The following TENM3 variants were observed in gnomAD, a reference collection of about 807,000 sequenced individuals.
TENM3 encodes teneurin transmembrane protein 3.
Under a neutral mutation model 255.1 loss-of-function variants are expected in TENM3, and 63 were observed. The ratio of observed to expected loss-of-function variants is 0.25; its 90% confidence interval spans 0.20 to 0.30. TENM3 has a LOEUF of 0.30. TENM3 is among the 10% of genes least tolerant of loss of function. The probability of loss-of-function intolerance (pLI) is 1.00; values close to 1 mark genes in which losing one functional copy is unlikely to be tolerated. For missense variants in TENM3, 2,929 were observed against 3,461.1 expected (o/e 0.85, Z 3.86); for synonymous variants, 1,306 against 1,322.3 (o/e 0.99, Z 0.27).
chr4:181,647,916 T>C, the TENM3 span, among the ~76,000 whole-genome samples: 1 of 152,016 alleles, frequency 6.6e-6, no homozygotes, highest in African/African-American at 2.4e-5. Flanking sequence ...GAGTCAAACC[T>C]TTGGGGGAGG....
the TENM3 span, among the ~76,000 whole-genome samples, chr4:181,487,704 A>T: frequency 9.0e-3 from 1,372 of 152,224 alleles, 17 homozygotes; most frequent in South Asian, 0.033. Context: ...TACCTGAAGC[A>T]TCTCTGGATA....
At chr4:182,758,606 T>G (rs537854404) in intron 22 of TENM3, among the ~76,000 whole-genome samples, 6 of 152,314 alleles carry the variant, frequency 3.9e-5, no homozygotes, top group Non-Finnish European at 8.8e-5. Flanking sequence ...ATTGGTGAAC[T>G]GGCCGACTCC....
chr4:181,857,399 G>A, the TENM3 span, among the ~76,000 whole-genome samples: 4 of 151,920 alleles, frequency 2.6e-5, no homozygotes, highest in African/African-American at 9.6e-5. Context: ...CTGAGCAAAG[G>A]GCCTTGTCAG....
chr4:181,539,214 C>T, the TENM3 span, among the ~76,000 whole-genome samples: 2 of 152,198 alleles, frequency 1.3e-5, no homozygotes, highest in African/African-American at 2.4e-5. Flanking sequence ...AAGGAGGGAA[C>T]GTGTTAATGG....
the TENM3 span, among the ~76,000 whole-genome samples, chr4:181,878,914 G>C: frequency 1.3e-5 from 2 of 151,714 alleles, no homozygotes; most frequent in Admixed American, 6.6e-5. Context: ...TTTGTCTATT[G>C]GTCTATGACC....
chr4:181,589,280 C>G, the TENM3 span, among the ~76,000 whole-genome samples: 1 of 152,122 alleles, frequency 6.6e-6, no homozygotes, highest in Non-Finnish European at 1.5e-5. Context: ...TTATTTTTAT[C>G]ATGAACTGTT....
intron 7 of TENM3, among the ~76,000 whole-genome samples, chr4:182,674,677 G>A (rs1755515393): frequency 6.6e-6 from 1 of 152,010 alleles, no homozygotes; most frequent in African/African-American, 2.4e-5. Flanking sequence ...CTCGGCTCAG[G>A]TGATCCTTCC....
chr4:181,561,150 C>T, the TENM3 span, among the ~76,000 whole-genome samples: 3 of 152,182 alleles, frequency 2.0e-5, no homozygotes, highest in Non-Finnish European at 2.9e-5. Flanking sequence ...GACGGGGTTT[C>T]GCCATGTTGG....
chr4:182,538,544 C>T (rs62339062), intron 3 of TENM3, among the ~76,000 whole-genome samples: 3,927 of 152,252 alleles, frequency 0.026, 66 homozygotes, highest in African/African-American at 0.043. Flanking sequence ...CAGAGCAAAG[C>T]AGCATAATGC....
At chr4:182,743,114 T>G in intron 18 of TENM3, 56 bp from the exon 19 acceptor site, 1 of 1,532,544 alleles carries the variant, frequency 6.5e-7, no homozygotes, top group Non-Finnish European at 8.8e-7. Flanking sequence ...ACATGTTTGC[T>G]TTTCATCTTT....
At chr4:181,986,617 C>A in the TENM3 span, among the ~76,000 whole-genome samples, 1 of 152,032 alleles carries the variant, frequency 6.6e-6, no homozygotes, top group East Asian at 1.9e-4. Flanking sequence ...GATGTTGGTT[C>A]TCATCTGGCT....
the TENM3 span, among the ~76,000 whole-genome samples, chr4:181,591,006 A>G: frequency 2.0e-5 from 3 of 152,368 alleles, no homozygotes; most frequent in African/African-American, 7.2e-5. Flanking sequence ...TGTTTACATC[A>G]AGCCTGATTA....
At chr4:181,685,589 C>T in the TENM3 span, among the ~76,000 whole-genome samples, 1 of 152,156 alleles carries the variant, frequency 6.6e-6, no homozygotes, top group African/African-American at 2.4e-5. Flanking sequence ...TTCACATTCA[C>T]TCCCAGAGAG....
At chr4:182,286,255 G>A (rs1448037413) in intron 1 of TENM3, among the ~76,000 whole-genome samples, 4 of 152,234 alleles carry the variant, frequency 2.6e-5, no homozygotes, top group Non-Finnish European at 5.9e-5. Flanking sequence ...CAGTGGCCAT[G>A]CAGGCAGCTC....
At chr4:182,299,299 T>C (rs1437331525) in intron 1 of TENM3, among the ~76,000 whole-genome samples, 1 of 152,122 alleles carries the variant, frequency 6.6e-6, no homozygotes, top group Non-Finnish European at 1.5e-5. Context: ...GTCTTTTTGA[T>C]TGGCCACTTT....
chr4:182,696,082 G>C (rs1757378221), intron 12 of TENM3, among the ~76,000 whole-genome samples: 1 of 151,996 alleles, frequency 6.6e-6, no homozygotes, highest in Non-Finnish European at 1.5e-5. Flanking sequence ...ACTCAAAATA[G>C]TCTACTCTAC....
chr4:181,657,483 A>G, the TENM3 span, among the ~76,000 whole-genome samples: 4 of 152,310 alleles, frequency 2.6e-5, no homozygotes, highest in East Asian at 7.7e-4. Flanking sequence ...GTCTAACACC[A>G]GTCAGAATGG....
chr4:182,537,257 T>G (rs1740426745), intron 3 of TENM3, among the ~76,000 whole-genome samples: 1 of 151,972 alleles, frequency 6.6e-6, no homozygotes, highest in African/African-American at 2.4e-5. Context: ...CTTGACTCAG[T>G]TTTCAAAAAG....
intron 1 of TENM3, among the ~76,000 whole-genome samples, chr4:182,284,597 TA>T (rs1760609020): frequency 6.6e-6 from 1 of 152,072 alleles, no homozygotes; most frequent in South Asian, 2.1e-4. Context: ...TACCCTAAGC[TA>T]AATAGACTAA....
Sources: gnomAD v4.1 joint callset for allele counts (sites outside exome capture counted in the v4.1 genomes callset) on GRCh38, gnomAD v4.1.1 for gene constraint, MANE v1.5 for transcripts, NCBI Gene and HGNC (gene_info 2026-07-23, HGNC 2026-07-21) for gene names.